PHF24: variants seen among roughly 807,000 people sequenced by gnomAD.
PHF24 encodes Galpha inhibitory interacting protein.
A neutral mutation model predicts 42.6 loss-of-function variants in PHF24; 25 were observed. The ratio of observed to expected loss-of-function variants is 0.59; its 90% CI spans 0.43 to 0.82. The LOEUF (loss-of-function observed/expected upper bound fraction) is 0.82, where lower values mean the gene tolerates loss of function less well. PHF24 is among the 40% of genes least tolerant of loss of function. The pLI is 0.00. For synonymous variants in PHF24, 185 were observed against 204.8 expected (o/e 0.90, Z 0.83); for missense variants, 470 against 538.1 (o/e 0.87, Z 1.25).
the PHF24 span, among the ~76,000 whole-genome samples, chr9:34,744,506 C>G: frequency 6.6e-6 from 1 of 152,174 alleles, no homozygotes; most frequent in Non-Finnish European, 1.5e-5. Flanking sequence ...GGAGGTGAAT[C>G]ACCACAGAAC....
the PHF24 span, chr9:34,724,462 T>C: frequency 1.9e-6 from 3 of 1,551,604 alleles, no homozygotes; most frequent in Non-Finnish European, 2.6e-6. Context: ...GAGACTTCTG[T>C]GTGGATATGT....
chr9:34,680,670 A>G, the PHF24 span, among the ~76,000 whole-genome samples: 4,352 of 146,374 alleles, frequency 0.03, 205 homozygotes, highest in African/African-American at 0.1. Context: ...CCTGGGCGAC[A>G]GAGCGAGACT....
the PHF24 span, among the ~76,000 whole-genome samples, chr9:34,785,356 C>A: frequency 6.6e-6 from 1 of 152,166 alleles, no homozygotes; most frequent in African/African-American, 2.4e-5. Flanking sequence ...CCAAAGGGTC[C>A]GAAACTCTTA....
chr9:34,878,136 A>C, the PHF24 span, among the ~76,000 whole-genome samples: 7 of 152,268 alleles, frequency 4.6e-5, 1 homozygote, highest in South Asian at 1.5e-3. Flanking sequence ...ATAATAAGGG[A>C]AAGTGTGTAT....
the PHF24 span, among the ~76,000 whole-genome samples, chr9:34,898,907 G>T: frequency 6.6e-6 from 1 of 152,192 alleles, no homozygotes; most frequent in East Asian, 1.9e-4. Flanking sequence ...CTCCACTCCA[G>T]CAATTCGCCT....
At chr9:34,801,372 T>G in the PHF24 span, among the ~76,000 whole-genome samples, 1 of 152,138 alleles carries the variant, frequency 6.6e-6, no homozygotes, top group Non-Finnish European at 1.5e-5. Context: ...CTATTTACAA[T>G]AGCAAAGACT....
intron 1 of PHF24, among the ~76,000 whole-genome samples, chr9:34,966,726 T>C (rs1826785896): frequency 6.6e-6 from 1 of 152,216 alleles, no homozygotes; most frequent in Non-Finnish European, 1.5e-5. Flanking sequence ...GGTCTCACTG[T>C]GTTGCCCAGG....
the PHF24 span, among the ~76,000 whole-genome samples, chr9:34,722,893 C>A: frequency 1.3e-5 from 2 of 152,294 alleles, no homozygotes; most frequent in South Asian, 4.1e-4. Flanking sequence ...CCTTTAACTT[C>A]AGTGCACTCT....
chr9:34,757,342 A>G, the PHF24 span, among the ~76,000 whole-genome samples: 1 of 151,448 alleles, frequency 6.6e-6, no homozygotes, highest in South Asian at 2.1e-4. Context: ...GTGTTCACAT[A>G]TAGAAATGCT....
the PHF24 span, among the ~76,000 whole-genome samples, chr9:34,741,310 A>T: frequency 5.3e-5 from 8 of 151,256 alleles, no homozygotes; most frequent in Non-Finnish European, 1.0e-4. Flanking sequence ...TCTATTTTCC[A>T]CTTCTAACAG....
the PHF24 span, among the ~76,000 whole-genome samples, chr9:34,797,755 G>A: frequency 9.9e-5 from 15 of 151,870 alleles, no homozygotes; most frequent in Non-Finnish European, 2.1e-4. Context: ...ATGGGGGCGC[G>A]GCAGGCCAGG....
At chr9:34,665,985 G>C in the PHF24 span, 7 of 441,478 alleles carry the variant, frequency 1.6e-5, no homozygotes, top group East Asian at 8.8e-5. Context: ...CACCTGGAGG[G>C]GGGGCTGAGA....
In PHF24 at chr9:34,977,968, G is replaced by A. The variant is rs560733986; in HGVS notation, c.1107-47G>A. ...TGCTGCCCCTGGGATCAGGGCTCAC[G>A]TGTCTTCAAACCAGCCTCACGACTC... On this transcript the variant is annotated intron_variant, in intron 7 of 7. Coordinates refer to ENST00000242315, the Ensembl canonical transcript of PHF24. The A allele has an allele frequency of 1.8e-4, 263 of 1,443,062 alleles. 2 individuals are homozygous for A. In the South Asian group the frequency reaches 2.7e-3, roughly 15 times the overall value. The allele number at this position is 1,443,062 out of a possible 1,614,324, so 89.4% of individuals were successfully genotyped here. A position where few individuals can be genotyped will look rare whatever the true frequency, so the allele number is the denominator to read the frequency against.
At chr9:34,910,849 G>A in the PHF24 span, among the ~76,000 whole-genome samples, 1 of 151,088 alleles carries the variant, frequency 6.6e-6, no homozygotes, top group Non-Finnish European at 1.5e-5. Context: ...TTGAGATAGA[G>A]TCTCATTCTG....
chr9:34,789,287 C>A, the PHF24 span, among the ~76,000 whole-genome samples: 1 of 152,216 alleles, frequency 6.6e-6, no homozygotes, highest in Non-Finnish European at 1.5e-5. Flanking sequence ...TTTGCCTCAT[C>A]TTTAAGAGTG....
At chr9:34,682,702 A>G in the PHF24 span, among the ~76,000 whole-genome samples, 27 of 152,308 alleles carry the variant, frequency 1.8e-4, no homozygotes, top group East Asian at 4.4e-3. Context: ...AAAGTCACAT[A>G]CTAATTTTCC....
the PHF24 span, among the ~76,000 whole-genome samples, chr9:34,859,762 G>T: frequency 2.0e-5 from 3 of 152,110 alleles, no homozygotes; most frequent in Admixed American, 6.5e-5. Flanking sequence ...CACTACTAAG[G>T]TAAGGCCTTT....
At chr9:34,918,293 C>G in the PHF24 span, 1 of 1,174,760 alleles carries the variant, frequency 8.5e-7, no homozygotes, top group Non-Finnish European at 1.3e-6. Context: ...AGTACAAAAA[C>G]TAAGTGGACT....
chr9:34,916,755 G>C, the PHF24 span, among the ~76,000 whole-genome samples: 83 of 152,296 alleles, frequency 5.4e-4, 2 homozygotes, highest in South Asian at 0.017. Flanking sequence ...TGTTTGTGTG[G>C]TAAGTTTTTT....
Sources: allele counts gnomAD v4.1 joint callset (sites outside exome capture counted in the v4.1 genomes callset), GRCh38; gene constraint gnomAD v4.1.1; transcripts MANE v1.5; gene names NCBI Gene and HGNC (gene_info 2026-07-23, HGNC 2026-07-21).